Variants in FAF1 observed in about 807,000 individuals in gnomAD.
FAF1 encodes Fas associated factor 1, also known as FAS-associated factor 1.
In FAF1, 25 loss-of-function variants were observed where a neutral mutation model predicts 92.5. The observed-to-expected ratio is 0.27, with a 90% CI of 0.20 to 0.38. The LOEUF (loss-of-function observed/expected upper bound fraction) is 0.38, where lower values mean the gene tolerates loss of function less well. Ranked by LOEUF, FAF1 falls within the 10% of genes least tolerant of loss-of-function variation. The probability of loss-of-function intolerance (pLI) is 1.00; values close to 1 mark genes in which losing one functional copy is unlikely to be tolerated. For synonymous variants in FAF1, 234 were observed against 273.2 expected, an observed-to-expected ratio of 0.86 and a Z score of 1.42; for missense variants, 636 against 793.3, an observed-to-expected ratio of 0.80 and a Z score of 2.38.
At chr1:50,892,068 T>G (rs1413999606) in intron 1 of FAF1, among the ~76,000 whole-genome samples, 1 of 152,124 alleles carries the variant, frequency 6.6e-6, no homozygotes, top group Non-Finnish European at 1.5e-5. Flanking sequence ...TGGATGCCCC[T>G]CCCCCAGCCT....
At chr1:50,506,926 G>T (rs551868326) in intron 15 of FAF1, among the ~76,000 whole-genome samples, 139 of 152,294 alleles carry the variant, frequency 9.1e-4, no homozygotes, top group Non-Finnish European at 1.5e-3. Context: ...TCTTCTTCCT[G>T]CCATTACTGC....
chr1:50,594,314 CA>C (rs57900829), intron 9 of FAF1, among the ~76,000 whole-genome samples: 5,249 of 81,146 alleles, frequency 0.065, 253 homozygotes, highest in African/African-American at 0.19. Context: ...GATCCTGTCT[CA>C]AAAAAAAAAA....
intron 7 of FAF1, among the ~76,000 whole-genome samples, chr1:50,695,620 T>C (rs1020458169): frequency 6.6e-6 from 1 of 152,170 alleles, no homozygotes; most frequent in Non-Finnish European, 1.5e-5. Flanking sequence ...ATATATGATT[T>C]CTCTCTATAA....
At chr1:50,819,790 T>TATATATAC (rs1557543745) in intron 2 of FAF1, among the ~76,000 whole-genome samples, 1 of 99,082 alleles carries the variant, frequency 1.0e-5, no homozygotes, top group African/African-American at 3.9e-5. Context: ...TATATATACA[T>TATATATAC]ATATATATAT....
chr1:50,807,072 G>C (rs564614597), intron 2 of FAF1, among the ~76,000 whole-genome samples: 1 of 152,142 alleles, frequency 6.6e-6, no homozygotes, highest in Non-Finnish European at 1.5e-5. Context: ...AAACAGAATT[G>C]AAAGTATAAA....
rs540041116 is a variant in FAF1, at chr1:50,793,847, T to G, written c.162-5642A>C. On this transcript the variant is annotated intron_variant, in intron 3 of 18. Coordinates refer to ENST00000396153, the MANE Select transcript of FAF1 (RefSeq NM_007051.3). ...GGTCCTGAATTGCATAAGCAGCAAG[T>G]ATAGGTTAAGTCTCCCTAATCCATA... 3.2e-3 allele frequency among the ~76,000 whole-genome samples: 492 copies of G among 152,324 alleles called. 4 individuals carry two copies. Among genetic ancestry groups the G allele is most frequent in the Non-Finnish European group, 4.9e-3 (334 of 68,032 alleles).
chr1:50,564,387 T>G (rs1000452463), intron 13 of FAF1, among the ~76,000 whole-genome samples: 8 of 151,980 alleles, frequency 5.3e-5, no homozygotes, highest in African/African-American at 1.7e-4. Context: ...CATAAAGAAA[T>G]AACAGTTAAA....
At chr1:50,704,107 T>G (rs1295227583) in intron 7 of FAF1, among the ~76,000 whole-genome samples, 1 of 152,228 alleles carries the variant, frequency 6.6e-6, no homozygotes, top group Non-Finnish European at 1.5e-5. Context: ...CCCTGCAATA[T>G]GCCAATTATC....
At chr1:50,880,372 C>A (rs1447299083) in intron 1 of FAF1, among the ~76,000 whole-genome samples, 1 of 152,150 alleles carries the variant, frequency 6.6e-6, no homozygotes, top group Non-Finnish European at 1.5e-5. Context: ...GTATTAGGAA[C>A]TGCATGTTTA....
chr1:50,960,101 G>A lies in FAF1; in HGVS notation c.-290C>T, dbSNP rs1645304598. 3 of 389,612 alleles carry A rather than the reference G, an allele frequency of 7.7e-6. No individual in the cohort carries two copies. Among genetic ancestry groups the A allele is most frequent in the South Asian group, 2.6e-4 (2 of 7,780 alleles). 24.1% of individuals were successfully genotyped at this position (389,612 alleles called of 1,614,324 possible). On this transcript the variant is annotated 5_prime_UTR_variant, in exon 1 of 19. Transcript: ENST00000396153. Reference sequence around the variant, plus strand: ...GTCTGGATGTGGGTCCGGTCTTACAGTCGCGGGCCAGGATGAGGGCAGGTT... The same window carrying A: ...GTCTGGATGTGGGTCCGGTCTTACAATCGCGGGCCAGGATGAGGGCAGGTT...
At chr1:50,487,097 T>C (rs1646778116) in intron 17 of FAF1, among the ~76,000 whole-genome samples, 1 of 152,214 alleles carries the variant, frequency 6.6e-6, no homozygotes, top group African/African-American at 2.4e-5. Context: ...CTTGCCATTG[T>C]CACAGTAGCT....
At chr1:50,700,107 G>A (rs548193042) in intron 7 of FAF1, among the ~76,000 whole-genome samples, 1 of 151,592 alleles carries the variant, frequency 6.6e-6, no homozygotes, top group African/African-American at 2.4e-5. Context: ...AAACTCAAAT[G>A]ATATGAAAGG....
intron 2 of FAF1, among the ~76,000 whole-genome samples, chr1:50,805,402 C>CA (rs1268132471): frequency 1.3e-5 from 2 of 152,096 alleles, no homozygotes; most frequent in Non-Finnish European, 2.9e-5. Context: ...TGCCATCTTC[C>CA]ATAGCACACT....
At chr1:50,793,831 T>C (rs976656513) in intron 3 of FAF1, among the ~76,000 whole-genome samples, 2 of 152,192 alleles carry the variant, frequency 1.3e-5, no homozygotes, top group Non-Finnish European at 2.9e-5. Context: ...TGGTCCTGAA[T>C]TGCATAAGCA....
intron 5 of FAF1, among the ~76,000 whole-genome samples, chr1:50,740,281 T>A (rs1659329811): frequency 6.6e-6 from 1 of 152,116 alleles, no homozygotes; most frequent in African/African-American, 2.4e-5. Flanking sequence ...TCAAGGTGGG[T>A]CTCACTTGGA....
chr1:50,649,785 CAA>C (rs535636319), intron 8 of FAF1, among the ~76,000 whole-genome samples: 7 of 72,920 alleles, frequency 9.6e-5, no homozygotes, highest in Admixed American at 3.2e-4. Flanking sequence ...ACTAAAACTA[CAA>C]AAAAAAAAAA....
chr1:50,936,904 T>C (rs568317846), intron 1 of FAF1, among the ~76,000 whole-genome samples: 24 of 152,188 alleles, frequency 1.6e-4, no homozygotes, highest in African/African-American at 5.8e-4. Flanking sequence ...GGCAAATTTT[T>C]AAACCTGAAA....
At chr1:50,887,853 C>T (rs1009461857) in intron 1 of FAF1, among the ~76,000 whole-genome samples, 10 of 152,152 alleles carry the variant, frequency 6.6e-5, no homozygotes, top group African/African-American at 2.4e-4. Context: ...ATTGTCTTGG[C>T]AAGGCAGGCT....
chr1:50,479,007 A>G (rs1218020413), intron 17 of FAF1, among the ~76,000 whole-genome samples: 1 of 152,204 alleles, frequency 6.6e-6, no homozygotes, highest in African/African-American at 2.4e-5. Context: ...CCTGGGAACT[A>G]CCTCCCCTCA....
Sources: allele counts gnomAD v4.1 joint callset (sites outside exome capture counted in the v4.1 genomes callset), GRCh38; gene constraint gnomAD v4.1.1; transcripts MANE v1.5; gene names NCBI Gene and HGNC (gene_info 2026-07-23, HGNC 2026-07-21).